SEMA3A: variants seen among roughly 807,000 people sequenced by gnomAD.
SEMA3A encodes semaphorin 3A.
SEMA3A carries 29 observed loss-of-function variants against 97.9 expected under a neutral mutation model. That is an observed-to-expected ratio of 0.30 (90% confidence interval 0.22 to 0.40). SEMA3A has a LOEUF of 0.40. SEMA3A is among the 10% of genes least tolerant of loss of function. The pLI, the probability that SEMA3A is intolerant of heterozygous loss-of-function variation, is 1.00. For synonymous variants in SEMA3A, 321 were observed against 323.7 expected (o/e 0.99, Z 0.09); for missense variants, 763 against 951.3 (o/e 0.80, Z 2.60).
chr7:84,290,980 A>G (rs990266449), intron 3 of SEMA3A, among the ~76,000 whole-genome samples: 6 of 152,138 alleles, frequency 3.9e-5, no homozygotes, highest in African/African-American at 1.4e-4. Flanking sequence ...ATTTCTGATA[A>G]GATTGCTGAT....
chr7:84,353,835 T>C (rs1032344912), intron 2 of SEMA3A, among the ~76,000 whole-genome samples: 14 of 151,832 alleles, frequency 9.2e-5, no homozygotes, highest in African/African-American at 3.4e-4. Flanking sequence ...AAAGTAATTT[T>C]GTCCATGAGC....
chr7:84,482,522 CT>C (rs1410971138), intron 1 of SEMA3A, among the ~76,000 whole-genome samples: 1 of 152,030 alleles, frequency 6.6e-6, no homozygotes, highest in East Asian at 1.9e-4. Context: ...AGGGCCCTTC[CT>C]AAAAAAACAG....
intron 1 of SEMA3A, among the ~76,000 whole-genome samples, chr7:84,154,003 A>ATT (rs2116136519): frequency 6.6e-6 from 1 of 152,220 alleles, no homozygotes; most frequent in Admixed American, 6.5e-5. Context: ...GAGAAAATGA[A>ATT]TTCAGGAGAA....
chr7:84,146,031 G>A (rs1158750829), intron 1 of SEMA3A, among the ~76,000 whole-genome samples: 1 of 151,938 alleles, frequency 6.6e-6, no homozygotes, highest in African/African-American at 2.4e-5. Context: ...CTTTTCTTGT[G>A]CTTCAAGCTA....
intron 2 of SEMA3A, among the ~76,000 whole-genome samples, chr7:84,354,920 T>G (rs910390722): frequency 2.0e-5 from 3 of 151,768 alleles, no homozygotes; most frequent in African/African-American, 7.2e-5. Context: ...CTTCATATTA[T>G]AATAGATTTT....
intron 2 of SEMA3A, among the ~76,000 whole-genome samples, chr7:84,369,060 A>G (rs1165471669): frequency 6.6e-6 from 1 of 150,984 alleles, no homozygotes; most frequent in Non-Finnish European, 1.5e-5. Context: ...TTCACTGGAA[A>G]CAATAAACTC....
intron 15 of SEMA3A, among the ~76,000 whole-genome samples, chr7:83,967,366 C>A (rs1271638128): frequency 6.6e-6 from 1 of 152,256 alleles, no homozygotes; most frequent in East Asian, 1.9e-4. Flanking sequence ...CCCCTTCTCT[C>A]CCCAGCTCCA....
chr7:84,137,548 G>T (rs1273255195), intron 1 of SEMA3A, among the ~76,000 whole-genome samples: 2 of 151,914 alleles, frequency 1.3e-5, no homozygotes, highest in African/African-American at 4.8e-5. Context: ...GCTGCCAGAG[G>T]CACGGGCTGT....
chr7:84,165,707 C>A (rs1444646981), intron 1 of SEMA3A, among the ~76,000 whole-genome samples: 1 of 152,018 alleles, frequency 6.6e-6, no homozygotes, highest in Non-Finnish European at 1.5e-5. Flanking sequence ...TGTGGGCCAC[C>A]ATACCCGGCT....
chr7:83,970,394 T>C (rs1788866661), intron 15 of SEMA3A, among the ~76,000 whole-genome samples: 1 of 152,152 alleles, frequency 6.6e-6, no homozygotes, highest in African/African-American at 2.4e-5. Context: ...AAAGGCCTTA[T>C]TTAGCATTTG....
intron 4 of SEMA3A, among the ~76,000 whole-genome samples, chr7:84,105,341 A>T (rs960412738): frequency 6.6e-6 from 1 of 152,188 alleles, no homozygotes; most frequent in Non-Finnish European, 1.5e-5. Flanking sequence ...GGCCTGGGGC[A>T]CTGTTACTAA....
chr7:84,038,965 A>C (rs1792038065), intron 6 of SEMA3A, among the ~76,000 whole-genome samples: 1 of 152,090 alleles, frequency 6.6e-6, no homozygotes, highest in African/African-American at 2.4e-5. Context: ...CTGATGTACT[A>C]ATTTCCCCAC....
Position 84,134,010 on chromosome 7 carries a change from A to G in SEMA3A, c.270+784T>C, listed in dbSNP as rs971268241. ...CTGGGAGGCAGAGTTGCAGTGAGCC[A>G]AGATCGCGCCACTGCACTCCAGCCT... On this transcript the variant is annotated intron_variant, in intron 2 of 16. Transcript: ENST00000265362. Among the ~76,000 whole-genome samples, 24 of 152,068 alleles carry G rather than the reference A, an allele frequency of 1.6e-4. No homozygotes were observed. In the East Asian group the frequency reaches 4.6e-3, roughly 29 times the overall value.
At chr7:84,008,184 T>A (rs141814666) in intron 9 of SEMA3A, among the ~76,000 whole-genome samples, 3 of 152,298 alleles carry the variant, frequency 2.0e-5, no homozygotes, top group Non-Finnish European at 4.4e-5. Context: ...AGTAAGCCAC[T>A]GAATTGCCAC....
chr7:84,476,384 AT>A (rs925910531), intron 1 of SEMA3A, among the ~76,000 whole-genome samples: 7 of 151,612 alleles, frequency 4.6e-5, no homozygotes, highest in African/African-American at 7.3e-5. Context: ...AAAAGAAAAA[AT>A]TTTTTTTCAA....
intron 4 of SEMA3A, among the ~76,000 whole-genome samples, chr7:84,107,295 T>G (rs1795140508): frequency 6.6e-6 from 1 of 152,296 alleles, no homozygotes; most frequent in South Asian, 2.1e-4. Context: ...TTAAAGCAGA[T>G]TCTCTCTTAA....
chr7:84,345,999 G>A (rs1428060806), intron 2 of SEMA3A, among the ~76,000 whole-genome samples: 2 of 152,166 alleles, frequency 1.3e-5, no homozygotes, highest in African/African-American at 2.4e-5. Flanking sequence ...CTGTTGTTTA[G>A]TCTAGTTACC....
chr7:84,073,654 C>A (rs1249769526), intron 4 of SEMA3A, among the ~76,000 whole-genome samples: 1 of 151,996 alleles, frequency 6.6e-6, no homozygotes. Flanking sequence ...TAGAGACACA[C>A]AAGCCTGGCA....
intron 2 of SEMA3A, among the ~76,000 whole-genome samples, chr7:84,364,360 G>T (rs181002861): frequency 5.8e-4 from 88 of 151,482 alleles, no homozygotes; most frequent in Admixed American, 2.1e-3. Context: ...TATATAAAAC[G>T]ATTTTTTCAA....
Sources: gnomAD v4.1 joint callset for allele counts (sites outside exome capture counted in the v4.1 genomes callset) on GRCh38, gnomAD v4.1.1 for gene constraint, MANE v1.5 for transcripts, NCBI Gene and HGNC (gene_info 2026-07-23, HGNC 2026-07-21) for gene names.